WIPF1: variants seen among roughly 807,000 people sequenced by gnomAD.
The protein encoded by WIPF1 is WAS/WASL-interacting protein family member 1.
In WIPF1, 13 loss-of-function variants were observed where a neutral mutation model predicts 35.4. That is an observed-to-expected ratio of 0.37 (90% CI 0.24 to 0.58). The LOEUF (loss-of-function observed/expected upper bound fraction) is 0.58, where lower values mean the gene tolerates loss of function less well. Among genes scored for constraint, WIPF1 ranks in the 20% least tolerant of loss-of-function variants. The pLI, the probability that WIPF1 is intolerant of heterozygous loss-of-function variation, is 0.74. For synonymous variants in WIPF1, 267 were observed against 266.3 expected (o/e 1.00, Z -0.02); for missense variants, 591 against 667.0 (o/e 0.89, Z 1.25).
In WIPF1 at chr2:174,568,071, G is replaced by T. The variant is rs778809828; in HGVS notation, c.1132C>A (p.Pro378Thr). Reference protein sequence around the residue: ...PVRDPPGRSGPLPPPPPVSRN... With the variant: ...PVRDPPGRSGTLPPPPPVSRN... Reference sequence around the variant, plus strand: ...CTTACTGGAGGAGGTGGTGGGAGGGGGCCTGGAGCAAAAAAAGACACTTAG... The same window carrying T: ...CTTACTGGAGGAGGTGGTGGGAGGGTGCCTGGAGCAAAAAAAGACACTTAG... The change falls in exon 6 of 8, where the codon CCC (proline) becomes ACC (threonine). Residue 378 changes from proline to threonine, a missense_variant and splice_region_variant. Pro to Thr is a conservative substitution (Grantham distance 38). Around this residue, in one of 3 missense-constraint regions of WIPF1, gnomAD observed 3 missense variants for 16.3 expected, o/e 0.18. Transcript: ENST00000679041. The T allele has an allele frequency of 1.9e-6, 3 of 1,610,950 alleles. No homozygotes were observed. In the South Asian group the frequency reaches 3.3e-5, roughly 18 times the overall value.
intron 1 of WIPF1, among the ~76,000 whole-genome samples, chr2:174,648,844 CA>C (rs1687474579): frequency 6.6e-6 from 1 of 152,298 alleles, no homozygotes; most frequent in East Asian, 1.9e-4. Flanking sequence ...ACAAACAAAG[CA>C]AAGCAACCCC....
chr2:174,630,534 G>C (rs1686986193), intron 1 of WIPF1: 1 of 152,150 alleles, frequency 6.6e-6, no homozygotes, highest in Admixed American at 6.5e-5. Context: ...ATAGACAAAT[G>C]CAACTCTTCT....
rs1364750512 is a variant in WIPF1, at chr2:174,562,157, G to C, written c.*390C>G. 1.3e-6 allele frequency: 2 copies of C among 1,550,490 alleles called. No individual in the cohort carries two copies. Among genetic ancestry groups the C allele is most frequent in the Non-Finnish European group, 8.7e-7 (1 of 1,146,982 alleles). On this transcript the variant is annotated 3_prime_UTR_variant, in exon 8 of 8. Transcript: ENST00000679041. The stretch of plus-strand genomic sequence containing the variant: ...TTCATAGAAACAGAGAGGAGGCCAA[G>C]CATGCGAAAAAGGAACGGGAGAAAA...
chr2:174,631,955 T>A (rs1050799363), intron 1 of WIPF1, among the ~76,000 whole-genome samples: 1 of 152,216 alleles, frequency 6.6e-6, no homozygotes, highest in African/African-American at 2.4e-5. Flanking sequence ...CCTGCCTATG[T>A]TGAGGAAGAA....
rs190893482 is a variant in WIPF1, at chr2:174,579,480, C to T, written c.181+1830G>A. ...AGCCCAGGGAAGTTTCACATGCAAA[C>T]AGATACAAAACTGTGGATAAACACT... On this transcript the variant is annotated intron_variant, in intron 3 of 7. Transcript: ENST00000679041. 3.5e-4 allele frequency among the ~76,000 whole-genome samples: 54 copies of T among 152,236 alleles called. 1 individual carries two copies. In the East Asian group the frequency reaches 9.6e-3, roughly 27 times the overall value.
At position 174,571,738 on chromosome 2, in the gene WIPF1, G is replaced by C. The variant is rs1456225068; in HGVS notation, c.1067C>G (p.Pro356Arg). 1.9e-6 allele frequency: 3 copies of C among 1,614,194 alleles called. No individual in the cohort carries two copies. Among genetic ancestry groups the C allele is most frequent in the Non-Finnish European group, 2.5e-6 (3 of 1,180,030 alleles). Reference protein sequence around the residue: ...PPLPSPGRSGPLPPPPSERPP... With the variant: ...PPLPSPGRSGRLPPPPSERPP... ...TCTCTCACTGGGCGGGGGAGGAAGA[G>C]GACCTGAACGTCCTGGCGAAGGTAA... is the stretch of plus-strand genomic sequence containing the variant. Residue 356 changes from proline (P) to arginine (R), a missense_variant, in exon 5 of 8, where the codon CCT (proline) becomes CGT (arginine). Transcript: ENST00000679041. This position sits in a 1 kb window ranked among gnomAD's most constrained non-coding sequence, Gnocchi z 4.6.
At chr2:174,652,803 A>C (rs549533941) in intron 1 of WIPF1, among the ~76,000 whole-genome samples, 20 of 152,050 alleles carry the variant, frequency 1.3e-4, no homozygotes, top group South Asian at 1.2e-3. Context: ...AAAAAAAAAA[A>C]AAAACAAAAA....
chr2:174,665,975 A>AT (rs1687883198), intron 1 of WIPF1, among the ~76,000 whole-genome samples: 1 of 152,110 alleles, frequency 6.6e-6, no homozygotes, highest in Non-Finnish European at 1.5e-5. Flanking sequence ...AGCCTCTTAA[A>AT]TTTTCTCTCT....
chr2:174,649,182 C>A (rs1687481672), intron 1 of WIPF1, among the ~76,000 whole-genome samples: 1 of 152,084 alleles, frequency 6.6e-6, no homozygotes, highest in Non-Finnish European at 1.5e-5. Flanking sequence ...GTGATTCCAG[C>A]CTTTAAAAAT....
At chr2:174,579,137 C>G (rs569722026) in intron 3 of WIPF1, among the ~76,000 whole-genome samples, 1 of 152,166 alleles carries the variant, frequency 6.6e-6, no homozygotes, top group East Asian at 1.9e-4. Context: ...CCTGCCTCAG[C>G]CTTCCAAATA....
At chr2:174,588,440 A>T (rs1195859263) in intron 1 of WIPF1, among the ~76,000 whole-genome samples, 1 of 152,206 alleles carries the variant, frequency 6.6e-6, no homozygotes, top group Non-Finnish European at 1.5e-5. Context: ...ACAGAGATCA[A>T]ATTGAACTTC....
chr2:174,578,042 G>A (rs902962628), intron 3 of WIPF1, among the ~76,000 whole-genome samples: 13 of 151,998 alleles, frequency 8.6e-5, no homozygotes, highest in African/African-American at 3.1e-4. Flanking sequence ...TCCATAATAG[G>A]GTTTCTTAAT....
At chr2:174,657,656 G>C (rs1687671649) in intron 1 of WIPF1, among the ~76,000 whole-genome samples, 1 of 152,118 alleles carries the variant, frequency 6.6e-6, no homozygotes, top group Non-Finnish European at 1.5e-5. Context: ...ACTTTGGGAG[G>C]CCAAAGCAGG....
At chr2:174,665,894 G>A (rs1687880951) in intron 1 of WIPF1, among the ~76,000 whole-genome samples, 1 of 152,320 alleles carries the variant, frequency 6.6e-6, no homozygotes, top group East Asian at 1.9e-4. Context: ...TGTCATTCAA[G>A]TGGAGGAATG....
At chr2:174,655,322 T>C (rs1172163805) in intron 1 of WIPF1, among the ~76,000 whole-genome samples, 2 of 152,182 alleles carry the variant, frequency 1.3e-5, no homozygotes, top group African/African-American at 4.8e-5. Flanking sequence ...CCGTTCTTAG[T>C]ATGCTATAAC....
chr2:174,653,552 G>A (rs1319892568), intron 1 of WIPF1, among the ~76,000 whole-genome samples: 2 of 151,552 alleles, frequency 1.3e-5, no homozygotes, highest in African/African-American at 2.4e-5. Flanking sequence ...TGGCTAACAC[G>A]GTGAAACACC....
chr2:174,613,013 T>C (rs1396010876), intron 1 of WIPF1, among the ~76,000 whole-genome samples: 1 of 152,242 alleles, frequency 6.6e-6, no homozygotes, highest in Non-Finnish European at 1.5e-5. Context: ...ATGAGAATTT[T>C]TACCACTGTA....
intron 1 of WIPF1, among the ~76,000 whole-genome samples, chr2:174,614,654 C>CCAA (rs1686453799): frequency 6.6e-6 from 1 of 152,158 alleles, no homozygotes; most frequent in Non-Finnish European, 1.5e-5. Context: ...AACAGAGTAT[C>CCAA]CAACTCTCAT....
chr2:174,631,473 G>A (rs899594121), intron 1 of WIPF1, among the ~76,000 whole-genome samples: 2 of 152,152 alleles, frequency 1.3e-5, no homozygotes, highest in Non-Finnish European at 2.9e-5. Flanking sequence ...AAAGGGAATG[G>A]GGAGTTGTTG....
Sources: gnomAD v4.1 joint callset for allele counts (sites outside exome capture counted in the v4.1 genomes callset) on GRCh38, gnomAD v4.1.1 for gene constraint, gnomAD v4.1.1 regional missense constraint, Gnocchi (gnomAD v3.1) non-coding constraint, MANE v1.5 for transcripts, NCBI Gene and HGNC (gene_info 2026-07-23, HGNC 2026-07-21) for gene names.